The following TMEM114 variants were observed in gnomAD, a reference collection of about 807,000 sequenced individuals.
The protein encoded by TMEM114 is claudin-26.
A neutral mutation model predicts 6.2 loss-of-function variants in TMEM114; 6 were observed. The ratio of observed to expected loss-of-function variants is 0.97; its 90% CI spans 0.53 to 1.91. TMEM114 has a LOEUF of 1.91. Among genes scored for constraint, TMEM114 ranks in the 40% most tolerant of loss-of-function variants. The probability of loss-of-function intolerance (pLI) is 0.01; values close to 1 mark genes in which losing one functional copy is unlikely to be tolerated. For synonymous variants in TMEM114, 104 were observed against 73.0 expected (o/e 1.42, Z -2.16); for missense variants, 218 against 158.3 (o/e 1.38, Z -2.02).
rs1555461967 is a variant in TMEM114 at position 8,548,694 on chromosome 16, G to GTGTATATATATATATA, written n.213-10869_213-10868insTATATATATATATACA. Reference sequence around the variant, plus strand: ...AGAGAAGTGAGCTAAAAATTGCCATGTATATATATACACAGAAAAAAAATA... The same window carrying GTGTATATATATATATA: ...AGAGAAGTGAGCTAAAAATTGCCATGTGTATATATATATATATATATATATACACAGAAAAAAAATA... On this transcript the variant is annotated intron_variant and non_coding_transcript_variant, in intron 2 of 2. Transcript: ENST00000623677. Among the ~76,000 whole-genome samples, 14 of 140,004 alleles carry GTGTATATATATATATA rather than the reference G, an allele frequency of 1.0e-4. 1 individual carries two copies. Among genetic ancestry groups the GTGTATATATATATATA allele is most frequent in the African/African-American group, 2.0e-4 (7 of 35,322 alleles). 91.8% of individuals were successfully genotyped at this position (140,004 alleles called of 152,430 possible). A position where few individuals can be genotyped will look rare whatever the true frequency, so the allele number is the denominator to read the frequency against.
chr16:8,529,532 G>C, the TMEM114 span, among the ~76,000 whole-genome samples: 1 of 152,122 alleles, frequency 6.6e-6, no homozygotes, highest in Non-Finnish European at 1.5e-5. Flanking sequence ...AGTGTCATCT[G>C]GGTTGTTTGT....
intron 2 of TMEM114, among the ~76,000 whole-genome samples, chr16:8,575,156 A>G (rs868453962): frequency 6.6e-6 from 1 of 152,140 alleles, no homozygotes; most frequent in Admixed American, 6.6e-5. Flanking sequence ...CAGTCAAAAG[A>G]CCACTGAAAA....
At chr16:8,583,040 C>A (rs927698613) in intron 2 of TMEM114, among the ~76,000 whole-genome samples, 3 of 152,192 alleles carry the variant, frequency 2.0e-5, no homozygotes, top group Admixed American at 6.5e-5. Context: ...ACTTAGATAT[C>A]ATACCTGACT....
At chr16:8,564,177 GTGAGTGAGTGCATGAA>G in intron 2 of TMEM114, among the ~76,000 whole-genome samples, 1 of 151,154 alleles carries the variant, frequency 6.6e-6, no homozygotes. Context: ...GAGTAAATGA[GTGAGTGAGTGCATGAA>G]TGAGTGAGTG....
At chr16:8,534,579 T>C (rs957027915), downstream of TMEM114, among the ~76,000 whole-genome samples, 2 of 152,138 alleles carry the variant, frequency 1.3e-5, no homozygotes, top group Non-Finnish European at 2.9e-5. Context: ...AAAATAGTAA[T>C]GGGGTGGTAC....
intron 2 of TMEM114, among the ~76,000 whole-genome samples, chr16:8,562,526 T>TAATGAGTGAGTGACTG (rs1555463499): frequency 0.041 from 5,227 of 127,204 alleles, 178 homozygotes; most frequent in South Asian, 0.11. Flanking sequence ...ATGAGTGAGT[T>TAATGAGTGAGTGACTG]AATGAGTGAG....
intron 2 of TMEM114, among the ~76,000 whole-genome samples, chr16:8,550,690 A>G (rs983750239): frequency 2.7e-4 from 18 of 66,316 alleles, no homozygotes; most frequent in Non-Finnish European, 4.1e-4. Context: ...AAAAACAAAA[A>G]AAAAAAAACC....
At chr16:8,566,897 G>GTTTTTTTTT (rs71150402), downstream of TMEM114, among the ~76,000 whole-genome samples, 1 of 98,286 alleles carries the variant, frequency 1.0e-5, no homozygotes, top group Non-Finnish European at 1.9e-5. Flanking sequence ...CATCACCCTG[G>GTTTTTTTTT]TTTTTTTTTT....
At position 8,589,662 on chromosome 16, in the gene TMEM114, G is replaced by A. The variant is rs1902422877; in HGVS notation, c.177C>T (p.Pro59=). The A allele has an allele frequency of 5.0e-6, 2 of 398,312 alleles. No individual in the cohort carries two copies. The highest frequency in any genetic ancestry group is 4.1e-5 in the African/African-American group (2 of 48,586). 24.7% of individuals were successfully genotyped at this position (398,312 alleles called of 1,614,324 possible). The stretch of plus-strand genomic sequence containing the variant: ...GGCCGGAGTGGGAGCTCAGAGGCTC[G>A]GGCTGGCTGCGATTGATGGACCCCA... ...DLLGSINRSQ[P]EPLSSHSGLW... is the part of the protein sequence containing the mutation. The change falls in exon 1 of 4, where the codon CCC becomes CCT. Residue 59 remains proline (P), a synonymous_variant. Coordinates refer to ENST00000620492, the MANE Select transcript of TMEM114 (RefSeq NM_001146336.2).
rs112323496 is a variant in TMEM114, at chr16:8,553,957, C to A, written n.213-16131G>T. Among the ~76,000 whole-genome samples, 909 of 151,942 alleles carry A rather than the reference C, an allele frequency of 6.0e-3. 13 individuals carry two copies. Among genetic ancestry groups the A allele is most frequent in the African/African-American group, 0.02 (846 of 41,382 alleles). On this transcript the variant is annotated intron_variant and non_coding_transcript_variant, in intron 2 of 2. Coordinates refer to the TMEM114 transcript ENST00000623677. Reference sequence around the variant, plus strand: ...ACAGTGGTGCAATCTCAGCTCACTGCAACCTCTGGCTCCCAGGTTCAAGCG... The same window carrying A: ...ACAGTGGTGCAATCTCAGCTCACTGAAACCTCTGGCTCCCAGGTTCAAGCG...
intron 2 of TMEM114, among the ~76,000 whole-genome samples, chr16:8,549,681 T>A (rs1008779510): frequency 6.6e-6 from 1 of 152,088 alleles, no homozygotes; most frequent in African/African-American, 2.4e-5. Context: ...GTAGTGATTA[T>A]CTTTTTGTAT....
intron 2 of TMEM114, among the ~76,000 whole-genome samples, chr16:8,539,675 C>G (rs1900463023): frequency 6.6e-6 from 1 of 152,102 alleles, no homozygotes; most frequent in African/African-American, 2.4e-5. Context: ...TATTTATTCA[C>G]CACCACAAGC....
intron 2 of TMEM114, among the ~76,000 whole-genome samples, chr16:8,576,981 G>C (rs1237888613): frequency 6.6e-6 from 1 of 152,202 alleles, no homozygotes; most frequent in Admixed American, 6.5e-5. Flanking sequence ...GCCAGGCTAA[G>C]TCCACATGAT....
intron 2 of TMEM114, among the ~76,000 whole-genome samples, chr16:8,544,471 A>G (rs746024753): frequency 3.9e-5 from 6 of 152,186 alleles, no homozygotes; most frequent in Admixed American, 6.5e-5. Flanking sequence ...TCACCAGTAG[A>G]AGAAACAAAA....
chr16:8,561,562 G>C (rs1901200680), intron 2 of TMEM114, among the ~76,000 whole-genome samples: 1 of 152,176 alleles, frequency 6.6e-6, no homozygotes, highest in African/African-American at 2.4e-5. Context: ...TGGCACATCA[G>C]GCATCAAAGA....
chr16:8,539,487 G>A (rs1359510784), intron 2 of TMEM114, among the ~76,000 whole-genome samples: 1 of 152,142 alleles, frequency 6.6e-6, no homozygotes, highest in East Asian at 1.9e-4. Flanking sequence ...AGCCTCACAT[G>A]CCTGGACAGA....
intron 2 of TMEM114, among the ~76,000 whole-genome samples, chr16:8,576,830 C>A (rs1193074563): frequency 1.3e-5 from 2 of 152,048 alleles, no homozygotes; most frequent in African/African-American, 4.8e-5. Flanking sequence ...TGTAGAGGTA[C>A]AAAGTTGGAT....
chr16:8,531,302 C>A, the TMEM114 span, among the ~76,000 whole-genome samples: 5 of 152,176 alleles, frequency 3.3e-5, no homozygotes, highest in African/African-American at 7.2e-5. Flanking sequence ...ATATAATTTG[C>A]ATTGCAAAAT....
At position 8,585,325 on chromosome 16, in the gene TMEM114, A is replaced by G. The variant is rs971817134; in HGVS notation, c.301+3888T>C. On this transcript the variant is annotated intron_variant, in intron 2 of 3. Coordinates refer to ENST00000620492, the MANE Select transcript of TMEM114 (RefSeq NM_001146336.2). ...ATCACATCAGGAGGCAAGTTAGATCATGGGACTTCCCTAACAGTCCTCCAT... is the reference window on the plus strand; with the variant it reads ...ATCACATCAGGAGGCAAGTTAGATCGTGGGACTTCCCTAACAGTCCTCCAT... 1.1e-4 allele frequency among the ~76,000 whole-genome samples: 16 copies of G among 152,338 alleles called. No individual in the cohort carries two copies. The East Asian group carries it at 2.9e-3, about 28-fold the overall frequency.
Sources: allele counts gnomAD v4.1 joint callset (sites outside exome capture counted in the v4.1 genomes callset), GRCh38; gene constraint gnomAD v4.1.1; transcripts MANE v1.5; gene names NCBI Gene and HGNC (gene_info 2026-07-23, HGNC 2026-07-21).